EARS2: variants seen among roughly 807,000 people sequenced by gnomAD.
EARS2 encodes nondiscriminating glutamyl-tRNA synthetase EARS2, mitochondrial.
In EARS2, 50 loss-of-function variants were observed where a neutral mutation model predicts 54.1. The ratio of observed to expected loss-of-function variants is 0.92; its 90% CI spans 0.74 to 1.17. The LOEUF is 1.17. Among genes scored for constraint, EARS2 ranks in the 50% most tolerant of loss-of-function variants. The pLI is 0.00. For synonymous variants in EARS2, 298 were observed against 281.0 expected (o/e 1.06, Z -0.61); for missense variants, 673 against 675.0 (o/e 1.00, Z 0.03).
intron 8 of EARS2, 104 bp downstream of exon 8, chr16:23,525,140 A>G (rs1278052590): frequency 1.9e-5 from 28 of 1,498,840 alleles, no homozygotes; most frequent in Non-Finnish European, 2.4e-5. Context: ...TGTTTCATTC[A>G]CCTTTGTATA....
Position 23,529,739 on chromosome 16 carries a change from C to G in EARS2, c.1221+5G>C, listed in dbSNP as rs1260672409. On this transcript the variant is annotated splice_donor_5th_base_variant and intron_variant, in intron 6 of 8. Transcript: ENST00000449606. ...CCTCAGCTTCCCAGAATCCTGACAC[C>G]ACACCTGTCTCAGCAGGAGGATCCT... The G allele has an allele frequency of 3.7e-6, 6 of 1,613,940 alleles. No individual in the cohort carries two copies. The Admixed American group carries it at 5.0e-5, about 13-fold the overall frequency.
chr16:23,539,364 C>T (rs566908737), intron 3 of EARS2, among the ~76,000 whole-genome samples: 29 of 152,132 alleles, frequency 1.9e-4, no homozygotes, highest in African/African-American at 7.0e-4. Context: ...CTTTTCCAAC[C>T]AAATGTCTAG....
intron 3 of EARS2, among the ~76,000 whole-genome samples, chr16:23,538,719 G>A (rs913291797): frequency 2.6e-5 from 4 of 151,882 alleles, no homozygotes; most frequent in African/African-American, 4.8e-5. Context: ...AGAATTAGCC[G>A]GGCATGGTGG....
chr16:23,557,025 A>G, intron 1 of EARS2, 180 bp downstream of exon 1: 1 of 950,238 alleles, frequency 1.1e-6, no homozygotes, highest in Non-Finnish European at 1.6e-6. Context: ...ACTCCTGGCA[A>G]TTTGAATTAT....
At chr16:23,540,930 G>A (rs1965501485) in intron 3 of EARS2, among the ~76,000 whole-genome samples, 1 of 152,176 alleles carries the variant, frequency 6.6e-6, no homozygotes, top group Non-Finnish European at 1.5e-5. Context: ...AGTGGAGGTT[G>A]CAGTGAGCCA....
intron 7 of EARS2, among the ~76,000 whole-genome samples, chr16:23,526,136 GGA>G: frequency 7.2e-6 from 1 of 139,340 alleles, no homozygotes; most frequent in East Asian, 2.1e-4. Context: ...TTTTGGAGAT[GGA>G]GTCTCGCTCT....
rs551556618 is a variant in EARS2, at chr16:23,549,093, A to G, written c.295+3056T>C. ...CCAAGCTGCGGGTGACGGGAATAAA[A>G]GAGCTGTAACACGCTCCCGCTCACC... On this transcript the variant is annotated intron_variant, in intron 2 of 8. Coordinates refer to ENST00000449606, the MANE Select transcript of EARS2 (RefSeq NM_001083614.2). 2.0e-5 allele frequency among the ~76,000 whole-genome samples: 3 copies of G among 152,290 alleles called. No individual in the cohort carries two copies. The South Asian group carries it at 6.2e-4, about 32-fold the overall frequency.
intron 2 of EARS2, among the ~76,000 whole-genome samples, chr16:23,549,453 G>A (rs967786548): frequency 1.1e-4 from 17 of 152,314 alleles, no homozygotes; most frequent in Admixed American, 3.9e-4. Flanking sequence ...GCGAGGCCCC[G>A]ACAGAGGTGA....
intron 3 of EARS2, among the ~76,000 whole-genome samples, chr16:23,542,323 T>C (rs1231761191): frequency 4.0e-5 from 5 of 125,592 alleles, no homozygotes; most frequent in East Asian, 2.1e-4. Flanking sequence ...TTTCTTTTTT[T>C]TTTTTTTTTT....
Position 23,529,381 on chromosome 16 carries a change from T to C in EARS2, c.1352+121A>G, listed in dbSNP as rs1235949939. On this transcript the variant is annotated intron_variant, in intron 7 of 8. Transcript: ENST00000449606. ...CAGCGAAAGCCAGTGAAGGGTCACT[T>C]CTTCACTGGCCATGGAGTTGTGCTG... is the stretch of plus-strand genomic sequence containing the variant. The C allele has an allele frequency of 9.9e-6, 13 of 1,313,270 alleles. No homozygotes were observed. In the African/African-American group the frequency reaches 1.6e-4, roughly 16 times the overall value. 81.4% of individuals were successfully genotyped at this position (1,313,270 alleles called of 1,614,324 possible). A position where few individuals can be genotyped will look rare whatever the true frequency, so the allele number is the denominator to read the frequency against.
chr16:23,557,304 G>T lies in EARS2; in HGVS notation c.40C>A (p.Pro14Thr), dbSNP rs753249536. The change falls in exon 1 of 9, where the codon CCT (proline) becomes ACT (threonine). Residue 14 changes from proline (P) to threonine (T), a missense_variant. Physicochemically the swap from Pro to Thr is conservative, Grantham distance 38 (BLOSUM62 -1). Around this residue, in one of 3 missense-constraint regions of EARS2, gnomAD observed 316 missense variants for 275.2 expected, o/e 1.15. Coordinates refer to ENST00000449606, the MANE Select transcript of EARS2 (RefSeq NM_001083614.2). ...ACGGGGCGGCCAGAGGCCGCCGAAG[G>T]CCTCTCGCGCTGCAGCAGTCTCCTC... ...LLRRLLQRER[P>T]SAASGRPVGR... is the part of the protein sequence containing the mutation. The T allele has an allele frequency of 1.3e-6, 2 of 1,518,704 alleles. No homozygotes were observed. The allele number at this position is 1,518,704 out of a possible 1,614,324, so 94.1% of individuals were successfully genotyped here. A position where few individuals can be genotyped will look rare whatever the true frequency, so the allele number is the denominator to read the frequency against.
chr16:23,541,691 T>A (rs924222678), intron 3 of EARS2, among the ~76,000 whole-genome samples: 5 of 114,800 alleles, frequency 4.4e-5, no homozygotes, highest in Non-Finnish European at 7.0e-5. Context: ...TATATCTTTG[T>A]GGATCTTCTT....
At chr16:23,543,262 GT>G (rs1965545590) in intron 3 of EARS2, among the ~76,000 whole-genome samples, 1 of 150,700 alleles carries the variant, frequency 6.6e-6, no homozygotes, top group Non-Finnish European at 1.5e-5. Flanking sequence ...TTTATGAAAA[GT>G]TTAAAAAAAA....
chr16:23,541,659 T>C (rs745902204), intron 3 of EARS2, among the ~76,000 whole-genome samples: 16 of 152,030 alleles, frequency 1.1e-4, no homozygotes, highest in Middle Eastern at 3.4e-3. Context: ...AGAGTCAAGA[T>C]TGGAAGAGAG....
intron 2 of EARS2, among the ~76,000 whole-genome samples, chr16:23,547,077 C>T (rs944988822): frequency 3.3e-5 from 5 of 152,200 alleles, no homozygotes; most frequent in African/African-American, 1.2e-4. Flanking sequence ...TGTAAATGTT[C>T]ATAGAGTTTT....
In EARS2 at chr16:23,524,103, C is replaced by T; in HGVS notation, c.*268G>A. On this transcript the variant is annotated 3_prime_UTR_variant, in exon 9 of 9. Coordinates refer to ENST00000449606, the MANE Select transcript of EARS2 (RefSeq NM_001083614.2). ...AACTTTTCTGTGAACTAACTCCAAA[C>T]CTCTGCTGTGTAATGTGTGAGAAAC... is the stretch of plus-strand genomic sequence containing the variant. 1.9e-6 allele frequency: 1 copy of T among 516,458 alleles called. No individual in the cohort carries two copies. The highest frequency in any genetic ancestry group is 2.4e-5 in the South Asian group (1 of 42,458). 32.0% of individuals were successfully genotyped at this position (516,458 alleles called of 1,614,324 possible). A position where few individuals can be genotyped will look rare whatever the true frequency, so the allele number is the denominator to read the frequency against.
intron 7 of EARS2, among the ~76,000 whole-genome samples, chr16:23,528,017 T>C (rs1965259946): frequency 6.6e-6 from 1 of 152,112 alleles, no homozygotes; most frequent in African/African-American, 2.4e-5. Context: ...ATGAGTGCCT[T>C]TATAAAAGAC....
chr16:23,544,747 C>G (rs1223070985), intron 2 of EARS2, 44 bp from the exon 3 acceptor site: 1 of 1,506,156 alleles, frequency 6.6e-7, no homozygotes, highest in South Asian at 1.2e-5. Context: ...ACACAGCGCT[C>G]GTTCTCAGGC....
At chr16:23,544,974 TG>T in intron 2 of EARS2, 1 of 341,114 alleles carries the variant, frequency 2.9e-6, no homozygotes, top group Non-Finnish European at 5.3e-6. Context: ...CCCGAATAGC[TG>T]GGATTACAAG....
Sources: allele counts gnomAD v4.1 joint callset (sites outside exome capture counted in the v4.1 genomes callset), GRCh38; gene constraint gnomAD v4.1.1; regional missense constraint gnomAD v4.1.1; transcripts MANE v1.5; gene names NCBI Gene and HGNC (gene_info 2026-07-23, HGNC 2026-07-21).